DNAH14: variants seen among roughly 807,000 people sequenced by gnomAD.
DNAH14 encodes dynein axonemal heavy chain 14.
In DNAH14, 478 loss-of-function variants were observed where a neutral mutation model predicts 520.9. The observed-to-expected ratio is 0.92, with a 90% confidence interval of 0.85 to 0.99. DNAH14 has a LOEUF of 0.99. Ranked by LOEUF, DNAH14 falls within the 50% of genes least tolerant of loss-of-function variation. The pLI, the probability that DNAH14 is intolerant of heterozygous loss-of-function variation, is 0.00. For synonymous variants in DNAH14, 1,581 were observed against 1,757.2 expected (o/e 0.90, Z 2.51); for missense variants, 4,831 against 5,234.5 (o/e 0.92, Z 2.38).
chr1:225,162,102 T>C (rs184339976), intron 35 of DNAH14, among the ~76,000 whole-genome samples: 97 of 152,318 alleles, frequency 6.4e-4, no homozygotes, highest in South Asian at 1.7e-3. Context: ...CCTAGACATT[T>C]TCCCCAATGT....
intron 27 of DNAH14, among the ~76,000 whole-genome samples, chr1:225,132,077 A>G (rs761322381): frequency 2.0e-5 from 3 of 152,212 alleles, no homozygotes; most frequent in African/African-American, 2.4e-5. Flanking sequence ...GTGAGTGGTC[A>G]TCATTTTTAA....
intron 20 of DNAH14, among the ~76,000 whole-genome samples, chr1:225,084,137 A>C (rs965364632): frequency 3.3e-5 from 5 of 152,288 alleles, no homozygotes; most frequent in African/African-American, 1.2e-4. Context: ...ACAGTTTGAC[A>C]TGTGAACAAA....
chr1:225,034,902 A>G (rs1316959911), intron 11 of DNAH14, among the ~76,000 whole-genome samples: 4 of 151,858 alleles, frequency 2.6e-5, no homozygotes, highest in South Asian at 4.2e-4. Context: ...TTTTATTTCT[A>G]TGGGGTCAGT....
chr1:225,292,142 T>C (rs899123397), intron 55 of DNAH14, among the ~76,000 whole-genome samples: 4 of 152,214 alleles, frequency 2.6e-5, no homozygotes, highest in African/African-American at 9.6e-5. Context: ...TTGTTGCCTG[T>C]GCTTTTGAGG....
At chr1:225,118,993 A>G (rs568995976) in intron 25 of DNAH14, among the ~76,000 whole-genome samples, 46 of 152,002 alleles carry the variant, frequency 3.0e-4, no homozygotes, top group African/African-American at 1.0e-3. Flanking sequence ...AAACTTATTT[A>G]TTGTGTAAAT....
chr1:225,264,704 A>G (rs1052599579), intron 47 of DNAH14, among the ~76,000 whole-genome samples: 1 of 152,122 alleles, frequency 6.6e-6, no homozygotes, highest in Non-Finnish European at 1.5e-5. Context: ...AGTTTTGGGA[A>G]CAGCAACTCC....
chr1:225,152,664 G>A lies in DNAH14; in HGVS notation c.5010-33G>A, dbSNP rs1438794994. The A allele has an allele frequency of 2.0e-6, 3 of 1,501,820 alleles. No individual in the cohort carries two copies. In the East Asian group the frequency reaches 7.4e-5, roughly 37 times the overall value. 93.0% of individuals were successfully genotyped at this position (1,501,820 alleles called of 1,614,324 possible). On this transcript the variant is annotated intron_variant, in intron 32 of 85. Transcript: ENST00000682510. ...CTTATTTGAAAAATTGAGAAGTGGT[G>A]TTTTTATTGTTTGTTTTTCTTTTCC...
intron 47 of DNAH14, 98 bp downstream of exon 47, chr1:225,264,359 T>C: frequency 1.0e-6 from 1 of 986,404 alleles, no homozygotes; most frequent in Non-Finnish European, 1.5e-6. Flanking sequence ...AGAATAATAA[T>C]TTCAATTGGT....
chr1:225,185,812 T>TGTTAACTG (rs1411225010), intron 37 of DNAH14, among the ~76,000 whole-genome samples: 2 of 151,690 alleles, frequency 1.3e-5, no homozygotes, highest in Admixed American at 6.6e-5. Context: ...ATTAATACAA[T>TGTTAACTG]GTTAACTGTA....
At chr1:225,298,022 G>A (rs1011421597) in intron 55 of DNAH14, among the ~76,000 whole-genome samples, 8 of 152,066 alleles carry the variant, frequency 5.3e-5, no homozygotes. Flanking sequence ...GCCTGGGAGT[G>A]TGCCCACCTC....
At chr1:225,307,948 G>A (rs2094283036) in intron 59 of DNAH14, among the ~76,000 whole-genome samples, 1 of 152,192 alleles carries the variant, frequency 6.6e-6, no homozygotes, top group Non-Finnish European at 1.5e-5. Flanking sequence ...CACTCTTTGT[G>A]TGTAACGCAT....
At chr1:225,327,763 C>T (rs1053867705) in intron 64 of DNAH14, among the ~76,000 whole-genome samples, 4 of 150,522 alleles carry the variant, frequency 2.7e-5, no homozygotes, top group African/African-American at 7.3e-5. Flanking sequence ...AAAAAAATAG[C>T]GAAAATCAAT....
chr1:225,055,141 G>A (rs2068909217), intron 17 of DNAH14, among the ~76,000 whole-genome samples: 1 of 151,654 alleles, frequency 6.6e-6, no homozygotes, highest in Admixed American at 6.6e-5. Context: ...ATAATAAAAT[G>A]TATTTATCTG....
At chr1:225,177,161 T>G (rs2083427316) in intron 36 of DNAH14, among the ~76,000 whole-genome samples, 3 of 152,218 alleles carry the variant, frequency 2.0e-5, no homozygotes, top group Admixed American at 1.3e-4. Context: ...TAAAGGTGAC[T>G]CTTGTTAAGT....
intron 34 of DNAH14, among the ~76,000 whole-genome samples, chr1:225,155,909 T>G (rs1019619230): frequency 3.3e-4 from 51 of 152,280 alleles, no homozygotes; most frequent in African/African-American, 1.2e-3. Flanking sequence ...TTTTTTGTTA[T>G]CAGAGTAAAG....
intron 81 of DNAH14, among the ~76,000 whole-genome samples, chr1:225,386,261 T>G: frequency 6.6e-6 from 1 of 152,142 alleles, no homozygotes; most frequent in African/African-American, 2.4e-5. Flanking sequence ...ATGTTAGACC[T>G]AAAACCATGA....
chr1:225,275,011 GTTA>G (rs898558591), intron 52 of DNAH14, among the ~76,000 whole-genome samples: 1 of 152,180 alleles, frequency 6.6e-6, no homozygotes, highest in African/African-American at 2.4e-5. Context: ...TATAGGTCCT[GTTA>G]TTATCCTGAT....
chr1:225,015,383 T>C (rs1206861837), intron 10 of DNAH14, among the ~76,000 whole-genome samples: 4 of 152,246 alleles, frequency 2.6e-5, no homozygotes, highest in African/African-American at 9.6e-5. Context: ...TCCTCTCTTA[T>C]TGTTATTTTT....
chr1:225,324,064 C>T (rs887236567), intron 62 of DNAH14, among the ~76,000 whole-genome samples, 158 bp from the exon 63 acceptor site: 2 of 152,206 alleles, frequency 1.3e-5, no homozygotes, highest in Non-Finnish European at 2.9e-5. Context: ...GACCCACCCA[C>T]CTCGACCTCC....
Sources: allele counts gnomAD v4.1 joint callset (sites outside exome capture counted in the v4.1 genomes callset), GRCh38; gene constraint gnomAD v4.1.1; transcripts MANE v1.5; gene names NCBI Gene and HGNC (gene_info 2026-07-23, HGNC 2026-07-21).